STS: variants seen among roughly 807,000 people sequenced by gnomAD.
STS encodes steryl-sulfatase.
A neutral mutation model predicts 26.8 loss-of-function variants in STS; 7 were observed. That is an observed-to-expected ratio of 0.26 (90% confidence interval 0.15 to 0.49). The LOEUF (loss-of-function observed/expected upper bound fraction) is 0.49. STS is among the 20% of genes least tolerant of loss of function. The probability of loss-of-function intolerance (pLI) is 0.98; values close to 1 mark genes in which losing one functional copy is unlikely to be tolerated. For synonymous variants in STS, 199 were observed against 189.4 expected (o/e 1.05, Z -0.42); for missense variants, 434 against 465.6 (o/e 0.93, Z 0.63).
intron 10 of STS, among the ~76,000 whole-genome samples, chrX:7,349,267 G>A (rs1928663795): frequency 2.3e-5 from 2 of 88,347 alleles, no homozygotes; most frequent in Non-Finnish European, 4.2e-5. Context: ...GCCTCCCAAA[G>A]TGCTGATATT....
intron 1 of STS, among the ~76,000 whole-genome samples, chrX:7,160,829 A>G (rs1443699389): frequency 6.2e-5 from 7 of 112,365 alleles, no homozygotes; most frequent in Non-Finnish European, 1.3e-4. Flanking sequence ...ATATGTATGT[A>G]TCCTAAAGAG....
chrX:7,194,727 A>C (rs766176962), intron 2 of STS, among the ~76,000 whole-genome samples: 90 of 112,108 alleles, frequency 8.0e-4, no homozygotes, highest in Non-Finnish European at 1.3e-3. Context: ...GATTTCTCTC[A>C]CTGTTACAAT....
intron 6 of STS, among the ~76,000 whole-genome samples, chrX:7,264,704 G>T (rs1778442594): frequency 8.9e-6 from 1 of 111,961 alleles, no homozygotes; most frequent in African/African-American, 3.2e-5. Flanking sequence ...CTTTGCATCA[G>T]CATTTTAATA....
intron 6 of STS, among the ~76,000 whole-genome samples, chrX:7,261,093 C>G (rs1923724134): frequency 9.0e-6 from 1 of 111,523 alleles, no homozygotes; most frequent in African/African-American, 3.3e-5. Flanking sequence ...GTCAAAAACA[C>G]TTGCTATTCA....
At chrX:7,296,129 G>A (rs1202215865) in intron 7 of STS, among the ~76,000 whole-genome samples, 8 of 111,530 alleles carry the variant, frequency 7.2e-5, no homozygotes. Flanking sequence ...TCAGTCTGGA[G>A]GTTTAAGGTT....
intron 2 of STS, among the ~76,000 whole-genome samples, chrX:7,192,334 C>T (rs1268370503): frequency 1.8e-5 from 2 of 111,742 alleles, no homozygotes; most frequent in East Asian, 2.8e-4. Flanking sequence ...GAGGCCGAGG[C>T]GGGCAGATCG....
chrX:7,349,316 C>CTTTTTTTTTTTT (rs1178578773), intron 10 of STS, among the ~76,000 whole-genome samples: 1 of 52,887 alleles, frequency 1.9e-5, no homozygotes, highest in Non-Finnish European at 3.4e-5. Context: ...CATTTAATTC[C>CTTTTTTTTTTTT]TTTTTTTTTT....
chrX:7,292,468 A>G, intron 7 of STS, among the ~76,000 whole-genome samples: 1 of 112,467 alleles, frequency 8.9e-6, no homozygotes, highest in Non-Finnish European at 1.9e-5. Flanking sequence ...GATCCACATC[A>G]TAGAATATAC....
chrX:7,320,063 A>T (rs928315928), intron 8 of STS, among the ~76,000 whole-genome samples: 6 of 89,219 alleles, frequency 6.7e-5, no homozygotes, highest in Admixed American at 1.4e-4. Flanking sequence ...TTATATATAT[A>T]TTTTATATAT....
chrX:7,245,150 AT>A (rs1190255673), intron 2 of STS, among the ~76,000 whole-genome samples: 10 of 110,936 alleles, frequency 9.0e-5, no homozygotes, highest in African/African-American at 3.3e-4. Flanking sequence ...TTAGTTATGG[AT>A]TTGTAAGCCA....
intron 8 of STS, among the ~76,000 whole-genome samples, chrX:7,320,121 T>G (rs1399308520): frequency 2.0e-5 from 2 of 97,727 alleles, no homozygotes; most frequent in Admixed American, 2.5e-4. Context: ...ATAAGTATTA[T>G]TTTATATATA....
At chrX:7,180,642 A>G (rs1034852405) in intron 1 of STS, among the ~76,000 whole-genome samples, 4 of 111,740 alleles carry the variant, frequency 3.6e-5, no homozygotes, top group African/African-American at 1.3e-4. Context: ...AAAATTGGAC[A>G]TTGATGTCCT....
At chrX:7,148,253 C>G (rs1932928060) in intron 1 of STS, 170 bp downstream of exon 1, 2 of 318,430 alleles carry the variant, frequency 6.3e-6, no homozygotes, top group South Asian at 1.0e-4. Context: ...CGCCCGGCTC[C>G]GAGCCCGCGC....
chrX:7,307,362 T>C, intron 8 of STS, among the ~76,000 whole-genome samples: 1 of 111,364 alleles, frequency 9.0e-6, no homozygotes, highest in Non-Finnish European at 1.9e-5. Flanking sequence ...CGGGCTGAAC[T>C]GGGGTCCACT....
intron 2 of STS, among the ~76,000 whole-genome samples, chrX:7,203,386 C>G (rs1934110390): frequency 1.8e-5 from 2 of 112,003 alleles, no homozygotes; most frequent in African/African-American, 6.5e-5. Flanking sequence ...GATTATGTGA[C>G]AAGGGACAGC....
intron 10 of STS, among the ~76,000 whole-genome samples, chrX:7,340,852 A>G (rs1369173192): frequency 1.8e-5 from 2 of 111,612 alleles, no homozygotes; most frequent in East Asian, 2.8e-4. Flanking sequence ...AACGCATACA[A>G]TGGCGGGACG....
At chrX:7,331,323 A>G (rs149050651) in intron 9 of STS, among the ~76,000 whole-genome samples, 2 of 111,620 alleles carry the variant, frequency 1.8e-5, no homozygotes, top group Non-Finnish European at 3.8e-5. Context: ...CAACCTGTTA[A>G]TAGCGCTACC....
chrX:7,266,534 G>A (rs975686520), intron 6 of STS, among the ~76,000 whole-genome samples: 1 of 111,695 alleles, frequency 9.0e-6, no homozygotes, highest in African/African-American at 3.3e-5. Flanking sequence ...ACTCATTCAG[G>A]GATAAATTTA....
Position 7,309,275 on chromosome X carries a change from A to G in STS, c.1081+4092A>G, listed in dbSNP as rs538352945. On this transcript the variant is annotated intron_variant, in intron 8 of 10. Coordinates refer to ENST00000674429, the MANE Select transcript of STS (RefSeq NM_001320752.2). ...GAGCTGGAGGCTATTATCCTTCGCA[A>G]ACTAATAATGCAGGAACAGAAAATC... 9.9e-5 allele frequency among the ~76,000 whole-genome samples: 11 copies of G among 111,443 alleles called. No homozygotes were observed. The South Asian group carries it at 4.2e-3, about 42-fold the overall frequency.
Sources: gnomAD v4.1 joint callset for allele counts (sites outside exome capture counted in the v4.1 genomes callset) on GRCh38, gnomAD v4.1.1 for gene constraint, MANE v1.5 for transcripts, NCBI Gene and HGNC (gene_info 2026-07-23, HGNC 2026-07-21) for gene names.